ATG5: variants seen among roughly 807,000 people sequenced by gnomAD.
ATG5 encodes autophagy related 5, also known as autophagy protein 5.
In ATG5, 14 loss-of-function variants were observed where a neutral mutation model predicts 36.5. The ratio of observed to expected loss-of-function variants is 0.38; its 90% confidence interval spans 0.25 to 0.60. ATG5 has a LOEUF of 0.60. Among genes scored for constraint, ATG5 ranks in the 20% least tolerant of loss-of-function variants. The pLI, the probability that ATG5 is intolerant of heterozygous loss-of-function variation, is 0.60. For missense variants in ATG5, 195 were observed against 326.7 expected, an observed-to-expected ratio of 0.60 and a Z score of 3.11; for synonymous variants, 95 against 101.5, an observed-to-expected ratio of 0.94 and a Z score of 0.38.
chr6:106,196,396 G>C (rs1048779504), intron 7 of ATG5, among the ~76,000 whole-genome samples: 1 of 152,176 alleles, frequency 6.6e-6, no homozygotes, highest in Admixed American at 6.5e-5. Context: ...CCAGGAGATG[G>C]AGACCTGTGT....
Position 106,221,988 on chromosome 6 carries a change from TTC to T in ATG5, c.574-19901_574-19900del, listed in dbSNP as rs543846719. Among the ~76,000 whole-genome samples the T allele has an allele frequency of 2.6e-3, 398 of 152,094 alleles. 1 individual carries two copies. The highest frequency in any genetic ancestry group is 9.2e-3 in the African/African-American group (381 of 41,494). Reference sequence around the variant, plus strand: ...CTTACTGCAATGTCTGCCTTCCAGGTTCAAGCAATCCTTGTGCCTCAGCCTCC... The same window carrying T: ...CTTACTGCAATGTCTGCCTTCCAGGTAAGCAATCCTTGTGCCTCAGCCTCC... On this transcript the variant is annotated intron_variant, in intron 6 of 7. Coordinates refer to ENST00000369076, the MANE Select transcript of ATG5 (RefSeq NM_004849.4).
chr6:106,206,669 C>T (rs995156538), intron 6 of ATG5, among the ~76,000 whole-genome samples: 4 of 145,432 alleles, frequency 2.8e-5, no homozygotes, highest in Non-Finnish European at 6.0e-5. Flanking sequence ...AAAAAAAGTA[C>T]ACACTCTAAC....
chr6:106,250,202 A>T (rs1295200340), intron 5 of ATG5, among the ~76,000 whole-genome samples: 1 of 152,196 alleles, frequency 6.6e-6, no homozygotes, highest in Non-Finnish European at 1.5e-5. Flanking sequence ...GACCTGTTTG[A>T]ATCCAATCTA....
chr6:106,206,487 A>G (rs1776639560), intron 6 of ATG5, among the ~76,000 whole-genome samples: 1 of 152,100 alleles, frequency 6.6e-6, no homozygotes, highest in African/African-American at 2.4e-5. Flanking sequence ...CATCTCTACT[A>G]AAAATACAGA....
intron 6 of ATG5, among the ~76,000 whole-genome samples, chr6:106,231,328 GC>G (rs1777681260): frequency 6.6e-6 from 1 of 152,100 alleles, no homozygotes; most frequent in African/African-American, 2.4e-5. Flanking sequence ...CAGAAGTGTC[GC>G]CGTAACTGCA....
intron 7 of ATG5, among the ~76,000 whole-genome samples, chr6:106,196,774 G>T (rs917962256): frequency 1.3e-5 from 2 of 149,514 alleles, no homozygotes; most frequent in Non-Finnish European, 3.0e-5. Context: ...ATTCTTTAAA[G>T]AAGTAAAATA....
chr6:106,259,691 A>G (rs1404982897), intron 5 of ATG5, among the ~76,000 whole-genome samples: 1 of 152,236 alleles, frequency 6.6e-6, no homozygotes, highest in African/African-American at 2.4e-5. Flanking sequence ...TAAAAGAGTT[A>G]TAGAGTTTTT....
intron 3 of ATG5, among the ~76,000 whole-genome samples, chr6:106,297,763 C>CACAT (rs1352430561): frequency 8.8e-6 from 1 of 113,240 alleles, no homozygotes; most frequent in Non-Finnish European, 1.8e-5. Context: ...CACACACACA[C>CACAT]ACATATATAT....
At chr6:106,218,016 A>G (rs976017067) in intron 6 of ATG5, among the ~76,000 whole-genome samples, 2 of 152,226 alleles carry the variant, frequency 1.3e-5, no homozygotes, top group Non-Finnish European at 2.9e-5. Flanking sequence ...GTTCTAAGAA[A>G]ATAGTATACA....
chr6:106,193,807 G>A lies in ATG5; in HGVS notation c.692-7131C>T, dbSNP rs186680544. Among the ~76,000 whole-genome samples, 265 of 152,248 alleles carry A rather than the reference G, an allele frequency of 1.7e-3. 2 individuals carry two copies. Among genetic ancestry groups the A allele is most frequent in the African/African-American group, 6.1e-3 (254 of 41,544 alleles). ...TTAAAATATAGACAATAATTGTACT[G>A]TTTACATATGGTCAGAATGAAGCCC... On this transcript the variant is annotated intron_variant, in intron 7 of 7. Transcript: ENST00000369076.
intron 5 of ATG5, among the ~76,000 whole-genome samples, chr6:106,268,349 A>C (rs1308492339): frequency 1.3e-5 from 2 of 152,214 alleles, no homozygotes; most frequent in African/African-American, 4.8e-5. Flanking sequence ...CACCAGTTAG[A>C]ATGGGGATTA....
intron 7 of ATG5, among the ~76,000 whole-genome samples, chr6:106,199,627 C>T (rs995671149): frequency 5.9e-5 from 9 of 152,046 alleles, no homozygotes; most frequent in African/African-American, 1.2e-4. Context: ...GTGATGGTTG[C>T]ACAACTCTAT....
intron 3 of ATG5, among the ~76,000 whole-genome samples, chr6:106,295,230 A>C (rs1277535157): frequency 6.6e-6 from 1 of 152,194 alleles, no homozygotes; most frequent in Non-Finnish European, 1.5e-5. Flanking sequence ...TTTTTAGAAT[A>C]TCTCTCTTAG....
chr6:106,275,970 T>G (rs1202476124), intron 5 of ATG5, among the ~76,000 whole-genome samples: 1 of 152,190 alleles, frequency 6.6e-6, no homozygotes, highest in African/African-American at 2.4e-5. Flanking sequence ...CAGTAAATCT[T>G]TATTTACAAA....
rs1368078005 is a variant in ATG5, at chr6:106,202,061, T to C, written c.602A>G (p.Lys201Arg). 1 of 1,613,988 alleles carries C rather than the reference T, an allele frequency of 6.2e-7. No individual in the cohort carries two copies. Among genetic ancestry groups the C allele is most frequent in the African/African-American group, 1.3e-5 (1 of 75,054 alleles). Residue 201 changes from lysine (K) to arginine (R), a missense_variant, in exon 7 of 8, where the codon AAG becomes AGG. Coordinates refer to ENST00000369076, the MANE Select transcript of ATG5 (RefSeq NM_004849.4). ...QTTTERPFIQKLFRPVAADGQ... is the reference protein window; with the variant it reads ...QTTTERPFIQRLFRPVAADGQ... ...ATCTGCAGCCACAGGACGAAACAGC[T>C]TCTGAATGAAAGGTCTTTCAGTCGT...
At chr6:106,202,127 T>C in intron 6 of ATG5, 38 bp from the exon 7 acceptor site, 1 of 1,514,584 alleles carries the variant, frequency 6.6e-7, no homozygotes, top group Non-Finnish European at 9.2e-7. Context: ...AGCAATTAAG[T>C]CTTTGTTGCT....
chr6:106,191,786 A>C (rs1362243833), intron 7 of ATG5, among the ~76,000 whole-genome samples: 1 of 152,158 alleles, frequency 6.6e-6, no homozygotes, highest in East Asian at 1.9e-4. Context: ...TCATTTTAAA[A>C]AGGTCATGAT....
At chr6:106,216,252 T>C (rs1234832549) in intron 6 of ATG5, among the ~76,000 whole-genome samples, 1 of 152,184 alleles carries the variant, frequency 6.6e-6, no homozygotes, top group Non-Finnish European at 1.5e-5. Flanking sequence ...CCTAAGTATC[T>C]ACCCAAGAGA....
At chr6:106,286,910 C>G (rs923992792) in intron 4 of ATG5, among the ~76,000 whole-genome samples, 3 of 152,166 alleles carry the variant, frequency 2.0e-5, no homozygotes, top group African/African-American at 4.8e-5. Flanking sequence ...CAGTTAAGAA[C>G]GCAGCCCAGC....
Sources: gnomAD v4.1 joint callset for allele counts (sites outside exome capture counted in the v4.1 genomes callset) on GRCh38, gnomAD v4.1.1 for gene constraint, MANE v1.5 for transcripts, NCBI Gene and HGNC (gene_info 2026-07-23, HGNC 2026-07-21) for gene names.